CACNB2: variants seen among roughly 807,000 people sequenced by gnomAD.
The protein encoded by CACNB2 is calcium voltage-gated channel auxiliary subunit beta 2.
CACNB2 carries 42 observed loss-of-function variants against 73.3 expected under a neutral mutation model. The ratio of observed to expected loss-of-function variants is 0.57; its 90% confidence interval spans 0.45 to 0.74. The LOEUF (loss-of-function observed/expected upper bound fraction) is 0.74, where lower values mean the gene tolerates loss of function less well. Ranked by LOEUF, CACNB2 falls within the 30% of genes least tolerant of loss-of-function variation. CACNB2 has a pLI of 0.00. For synonymous variants in CACNB2, 348 were observed against 310.3 expected (o/e 1.12, Z -1.28); for missense variants, 940 against 853.0 (o/e 1.10, Z -1.27).
intron 2 of CACNB2, among the ~76,000 whole-genome samples, chr10:18,248,981 C>T (rs1350408397): frequency 2.0e-5 from 3 of 152,306 alleles, no homozygotes; most frequent in African/African-American, 7.2e-5. Flanking sequence ...AAATATCCAC[C>T]TGCACTCAAT....
At chr10:18,433,829 C>T (rs558812730) in intron 3 of CACNB2, among the ~76,000 whole-genome samples, 1 of 152,236 alleles carries the variant, frequency 6.6e-6, no homozygotes, top group South Asian at 2.1e-4. Context: ...TGTCTATCCC[C>T]TAATCCTTTT....
At chr10:18,287,097 G>A (rs2038836634) in intron 2 of CACNB2, among the ~76,000 whole-genome samples, 1 of 152,118 alleles carries the variant, frequency 6.6e-6, no homozygotes, top group Non-Finnish European at 1.5e-5. Context: ...GGGAGGCTGA[G>A]GTGGGTAGAT....
chr10:18,356,477 C>A (rs1288674504), intron 2 of CACNB2, among the ~76,000 whole-genome samples: 2 of 152,116 alleles, frequency 1.3e-5, no homozygotes, highest in Non-Finnish European at 2.9e-5. Flanking sequence ...TTACTTTGAT[C>A]CTAAACATCT....
At position 18,518,358 on chromosome 10, in the gene CACNB2, A is replaced by C. The variant is rs889646922; in HGVS notation, c.827A>C (p.Asp276Ala). 12 of 1,613,494 alleles carry C rather than the reference A, an allele frequency of 7.4e-6. No homozygotes were observed. The highest frequency in any genetic ancestry group is 1.0e-5 in the Non-Finnish European group (12 of 1,179,406). Residue 276 changes from aspartate (D) to alanine (A), a missense_variant, in exon 8 of 14, where the codon GAT becomes GCT. Physicochemically the swap from Asp to Ala is moderately radical, Grantham distance 126 (BLOSUM62 -2). Coordinates refer to ENST00000324631, the MANE Select transcript of CACNB2 (RefSeq NM_201596.3). ...CAGACAGAGCACACTCCTCCGTATG[A>C]TGTGGTACCTTCCATGCGACCAGTG... The part of the protein sequence containing the change: ...FKKTEHTPPY[D>A]VVPSMRPVVL...
At chr10:18,226,927 A>G (rs1367717499) in intron 2 of CACNB2, among the ~76,000 whole-genome samples, 3 of 152,058 alleles carry the variant, frequency 2.0e-5, no homozygotes, top group Non-Finnish European at 4.4e-5. Flanking sequence ...AATATGGAAA[A>G]AAAGTGGGGG....
chr10:18,476,960 C>T (rs1396911134), intron 3 of CACNB2, among the ~76,000 whole-genome samples: 6 of 151,222 alleles, frequency 4.0e-5, no homozygotes, highest in Admixed American at 2.6e-4. Context: ...GCAGAGATAG[C>T]AGTGAGCCAA....
intron 1 of CACNB2, among the ~76,000 whole-genome samples, chr10:18,142,818 G>A (rs1328018496): frequency 6.6e-6 from 1 of 152,194 alleles, no homozygotes; most frequent in Non-Finnish European, 1.5e-5. Flanking sequence ...TTATATTCCA[G>A]TAGCAGCAAT....
intron 2 of CACNB2, among the ~76,000 whole-genome samples, chr10:18,198,217 T>C (rs1246886662): frequency 6.7e-6 from 1 of 149,508 alleles, no homozygotes; most frequent in Non-Finnish European, 1.5e-5. Flanking sequence ...TATTAACATA[T>C]ATTAACTCAA....
chr10:18,269,439 A>C (rs901239811), intron 2 of CACNB2, among the ~76,000 whole-genome samples: 1 of 152,136 alleles, frequency 6.6e-6, no homozygotes, highest in Non-Finnish European at 1.5e-5. Context: ...CCATATTGCT[A>C]TTCCTTCAGG....
rs533591190 is a variant in CACNB2, at chr10:18,499,081, A to C, written c.456+604A>C. Among the ~76,000 whole-genome samples, 8 of 152,270 alleles carry C rather than the reference A, an allele frequency of 5.3e-5. No homozygotes were observed. The South Asian group carries it at 1.7e-3, about 32-fold the overall frequency. ...AATTGGAAACTTTCATCCTTAATTA[A>C]GGTTTGTTTGGAGTCAACATTTATC... On this transcript the variant is annotated intron_variant, in intron 4 of 13. Transcript: ENST00000324631.
At chr10:18,382,293 C>A (rs1034299571) in intron 2 of CACNB2, among the ~76,000 whole-genome samples, 4 of 152,044 alleles carry the variant, frequency 2.6e-5, no homozygotes, top group Admixed American at 2.0e-4. Flanking sequence ...CACTCCAGAA[C>A]TGCCTTTTTT....
Position 18,174,555 on chromosome 10 carries a change from C to A in CACNB2, c.213+23580C>A, listed in dbSNP as rs1243613606. Among the ~76,000 whole-genome samples, 3 of 151,952 alleles carry A rather than the reference C, an allele frequency of 2.0e-5. No homozygotes were observed. The South Asian group carries it at 6.2e-4, about 32-fold the overall frequency. On this transcript the variant is annotated intron_variant, in intron 2 of 13. Coordinates refer to ENST00000324631, the MANE Select transcript of CACNB2 (RefSeq NM_201596.3). The stretch of plus-strand genomic sequence containing the variant: ...AGTAGCTGGGATTACAGGTGCCTGC[C>A]CCCATGCCCAGCTAATTTTTGTATT...
At chr10:18,272,155 A>T (rs375626773) in intron 2 of CACNB2, among the ~76,000 whole-genome samples, 8 of 152,094 alleles carry the variant, frequency 5.3e-5, no homozygotes, top group African/African-American at 1.7e-4. Flanking sequence ...TTTGGAGCAG[A>T]TATGATATTA....
At chr10:18,295,081 T>G (rs534901979) in intron 2 of CACNB2, among the ~76,000 whole-genome samples, 2 of 152,344 alleles carry the variant, frequency 1.3e-5, no homozygotes, top group South Asian at 4.1e-4. Context: ...TGAGGCAGTT[T>G]TACAAATGAG....
intron 7 of CACNB2, chr10:18,514,587 A>C (rs2051094504): frequency 1.3e-6 from 2 of 1,564,704 alleles, no homozygotes; most frequent in Middle Eastern, 1.7e-4. Context: ...ATTAGCATTA[A>C]TTCCCACAGT....
intron 3 of CACNB2, among the ~76,000 whole-genome samples, chr10:18,459,200 C>A (rs1009343052): frequency 6.6e-6 from 1 of 152,164 alleles, no homozygotes; most frequent in Non-Finnish European, 1.5e-5. Context: ...AATATTGCTG[C>A]CTCATTGTCA....
intron 5 of CACNB2, among the ~76,000 whole-genome samples, chr10:18,502,713 A>C (rs12781071): frequency 0.16 from 19,246 of 116,946 alleles, 1,806 homozygotes; most frequent in East Asian, 0.39. Context: ...AAAAAAAAAA[A>C]AAAAAAAAAA....
At chr10:18,332,478 A>G (rs1364100965) in intron 2 of CACNB2, among the ~76,000 whole-genome samples, 1 of 152,222 alleles carries the variant, frequency 6.6e-6, no homozygotes, top group Non-Finnish European at 1.5e-5. Flanking sequence ...AAATGCAACA[A>G]TCTGGAACTC....
At chr10:18,401,548 C>G (rs1430417150) in intron 2 of CACNB2, among the ~76,000 whole-genome samples, 2 of 152,170 alleles carry the variant, frequency 1.3e-5, no homozygotes, top group East Asian at 3.8e-4. Context: ...TTAATGTCCT[C>G]CTAGTTTCAA....
Sources: gnomAD v4.1 joint callset for allele counts (sites outside exome capture counted in the v4.1 genomes callset) on GRCh38, gnomAD v4.1.1 for gene constraint, MANE v1.5 for transcripts, NCBI Gene and HGNC (gene_info 2026-07-23, HGNC 2026-07-21) for gene names.